The following NIPBL variants were observed in gnomAD, a reference collection of about 807,000 sequenced individuals.
NIPBL encodes nipped-B-like protein.
In NIPBL, 19 loss-of-function variants were observed where a neutral mutation model predicts 321.8. That is an observed-to-expected ratio of 0.06 (90% confidence interval 0.04 to 0.09). The LOEUF is 0.09. NIPBL is among the 10% of genes least tolerant of loss of function. The pLI is 1.00. For synonymous variants in NIPBL, 1,106 were observed against 1,114.1 expected (o/e 0.99, Z 0.14); for missense variants, 2,210 against 3,327.0 (o/e 0.66, Z 8.26).
chr5:37,060,931 A>G lies in NIPBL; in HGVS notation c.7773A>G (p.Lys2591=), dbSNP rs371073065. The G allele has an allele frequency of 1.2e-6, 2 of 1,614,046 alleles. No individual in the cohort carries two copies. The highest frequency in any genetic ancestry group is 1.7e-6 in the Non-Finnish European group (2 of 1,180,008). Reference sequence around the variant, plus strand: ...AAACAGGAGTTCATTTTCATCCAAAACAAACACTGGACTTCCTGCGGAGTG... The same window carrying G: ...AAACAGGAGTTCATTTTCATCCAAAGCAAACACTGGACTTCCTGCGGAGTG... ...NRKTGVHFHP[K]QTLDFLRSDM... is the part of the protein sequence containing the mutation. Residue 2591 remains lysine, a synonymous_variant, in exon 45 of 47, where the codon AAA becomes AAG. Transcript: ENST00000282516.
chr5:36,969,894 T>C (rs1335093861), intron 6 of NIPBL, among the ~76,000 whole-genome samples: 1 of 152,220 alleles, frequency 6.6e-6, no homozygotes. Context: ...GGTTAAAATA[T>C]GCATATCTGG....
chr5:37,033,707 T>TAG (rs1751351364), intron 32 of NIPBL, among the ~76,000 whole-genome samples: 2 of 60,370 alleles, frequency 3.3e-5, no homozygotes, highest in Non-Finnish European at 5.4e-5. Context: ...CACACACACA[T>TAG]ATATATATAT....
At position 37,057,323 on chromosome 5, in the gene NIPBL, A is replaced by G; in HGVS notation, c.7401A>G (p.Ser2467=). 6.2e-7 allele frequency: 1 copy of G among 1,613,658 alleles called. No homozygotes were observed. Among genetic ancestry groups the G allele is most frequent in the Non-Finnish European group, 8.5e-7 (1 of 1,179,684 alleles). Residue 2467 remains serine, a synonymous_variant, in exon 43 of 47, where the codon TCA becomes TCG. Coordinates refer to ENST00000282516, the MANE Select transcript of NIPBL (RefSeq NM_133433.4). The part of the protein sequence containing the change: ...LSVSGSNLLQ[S]FKESMVKDKR... Reference sequence around the variant, plus strand: ...TTTCTGGTAGTAACCTACTGCAGTCATTCAAGGAGGTAAGTTACACACATT... The same window carrying G: ...TTTCTGGTAGTAACCTACTGCAGTCGTTCAAGGAGGTAAGTTACACACATT...
intron 18 of NIPBL, among the ~76,000 whole-genome samples, 155 bp downstream of exon 18, chr5:37,007,629 G>A (rs1231553711): frequency 1.3e-5 from 2 of 151,820 alleles, no homozygotes; most frequent in Non-Finnish European, 2.9e-5. Context: ...AAAACTTCAG[G>A]AGTTTTAAAA....
chr5:36,980,762 G>A (rs1744050560), intron 9 of NIPBL, among the ~76,000 whole-genome samples: 1 of 151,658 alleles, frequency 6.6e-6, no homozygotes, highest in Admixed American at 6.6e-5. Flanking sequence ...CTGTTGTTAA[G>A]CAATACATGA....
At chr5:37,064,466 A>G in intron 46 of NIPBL, 61 bp from the exon 47 acceptor site, 1 of 1,600,824 alleles carries the variant, frequency 6.2e-7, no homozygotes, top group East Asian at 2.2e-5. Flanking sequence ...TAAAAACAAT[A>G]ATTTCACTAA....
chr5:37,038,774 T>A, intron 34 of NIPBL, 36 bp downstream of exon 34: 1 of 1,603,278 alleles, frequency 6.2e-7, no homozygotes, highest in South Asian at 1.1e-5. Context: ...GTATCTTACA[T>A]AAAACATTAA....
At chr5:37,056,037 G>T (rs1255104571) in intron 42 of NIPBL, among the ~76,000 whole-genome samples, 2 of 152,032 alleles carry the variant, frequency 1.3e-5, no homozygotes, top group African/African-American at 4.8e-5. Context: ...ATTCTTTGAA[G>T]AACTTTGAAA....
At chr5:36,959,223 A>G (rs929790979) in intron 4 of NIPBL, among the ~76,000 whole-genome samples, 1 of 152,206 alleles carries the variant, frequency 6.6e-6, no homozygotes, top group Non-Finnish European at 1.5e-5. Context: ...AAAAGAAAAA[A>G]TAAATAAAAT....
At chr5:36,953,011 A>G (rs1307264889) in intron 1 of NIPBL, among the ~76,000 whole-genome samples, 1 of 152,198 alleles carries the variant, frequency 6.6e-6, no homozygotes, top group Non-Finnish European at 1.5e-5. Context: ...GAAGAATTAT[A>G]GGATTTGTTT....
Position 37,045,310 on chromosome 5 carries a change from T to C in NIPBL, c.6344-133T>C, listed in dbSNP as rs951932330. 9 of 643,898 alleles carry C rather than the reference T, an allele frequency of 1.4e-5. No homozygotes were observed. The African/African-American group carries it at 1.5e-4, about 11-fold the overall frequency. The allele number at this position is 643,898 out of a possible 1,614,324, so 39.9% of individuals were successfully genotyped here. On this transcript the variant is annotated intron_variant, in intron 36 of 46. Transcript: ENST00000282516. ...CGGAGGTTGCAGTGAGCCAAGATCA[T>C]GTCACTGCACTCCAGCCTGGGTGAC...
At chr5:37,025,381 A>G (rs896123603) in intron 30 of NIPBL, among the ~76,000 whole-genome samples, 6 of 152,256 alleles carry the variant, frequency 3.9e-5, no homozygotes, top group African/African-American at 1.2e-4. Context: ...TTAAATAAAT[A>G]CTTTGTTTCA....
At chr5:36,901,138 CTT>C (rs1481063870) in intron 1 of NIPBL, among the ~76,000 whole-genome samples, 1 of 152,170 alleles carries the variant, frequency 6.6e-6, no homozygotes, top group Non-Finnish European at 1.5e-5. Flanking sequence ...TTGTTTCCTT[CTT>C]TGTGTCCATC....
intron 1 of NIPBL, among the ~76,000 whole-genome samples, chr5:36,945,995 T>C (rs1412538582): frequency 6.6e-6 from 1 of 152,184 alleles, no homozygotes; most frequent in Non-Finnish European, 1.5e-5. Context: ...TTAGCATTTA[T>C]ATCCCACCTA....
intron 32 of NIPBL, among the ~76,000 whole-genome samples, chr5:37,035,793 T>A (rs6863554): frequency 1.9e-4 from 29 of 152,336 alleles, no homozygotes; most frequent in African/African-American, 6.7e-4. Flanking sequence ...AAAACAGATA[T>A]ACCTTATGAC....
chr5:36,998,185 A>G (rs16903442), intron 11 of NIPBL, among the ~76,000 whole-genome samples: 18,606 of 152,052 alleles, frequency 0.12, 1,232 homozygotes, highest in Admixed American at 0.19. Flanking sequence ...TCCCCTGCTT[A>G]TTCCAGGGTA....
chr5:36,938,036 C>T (rs954891298), intron 1 of NIPBL, among the ~76,000 whole-genome samples: 1 of 152,120 alleles, frequency 6.6e-6, no homozygotes, highest in African/African-American at 2.4e-5. Flanking sequence ...ACACCATTTA[C>T]CCCCTGCTCC....
intron 1 of NIPBL, among the ~76,000 whole-genome samples, chr5:36,925,739 C>G (rs1416243541): frequency 2.0e-5 from 3 of 152,186 alleles, no homozygotes; most frequent in Admixed American, 1.3e-4. Flanking sequence ...AAGGCTGTTT[C>G]TTCTTGAGGC....
chr5:36,980,862 T>G (rs531298943), intron 9 of NIPBL, among the ~76,000 whole-genome samples: 1 of 151,754 alleles, frequency 6.6e-6, no homozygotes, highest in South Asian at 2.1e-4. Flanking sequence ...AGTTTCTGCA[T>G]TGTGTGATGG....
Sources: allele counts gnomAD v4.1 joint callset (sites outside exome capture counted in the v4.1 genomes callset), GRCh38; gene constraint gnomAD v4.1.1; transcripts MANE v1.5; gene names NCBI Gene and HGNC (gene_info 2026-07-23, HGNC 2026-07-21).